Variants in UFSP2 observed in about 807,000 individuals in gnomAD.
UFSP2 encodes ufm1-specific protease 2.
A neutral mutation model predicts 60.2 loss-of-function variants in UFSP2; 43 were observed. The ratio of observed to expected loss-of-function variants is 0.71; its 90% confidence interval spans 0.56 to 0.92. The LOEUF (loss-of-function observed/expected upper bound fraction) is 0.92, where lower values mean the gene tolerates loss of function less well. UFSP2 is among the 40% of genes least tolerant of loss of function. The pLI, the probability that UFSP2 is intolerant of heterozygous loss-of-function variation, is 0.00. For missense variants in UFSP2, 520 were observed against 575.0 expected, an observed-to-expected ratio of 0.90 and a Z score of 0.98; for synonymous variants, 183 against 195.1, an observed-to-expected ratio of 0.94 and a Z score of 0.52.
At chr4:185,412,171 A>C (rs926424060) in intron 7 of UFSP2, among the ~76,000 whole-genome samples, 16 of 152,210 alleles carry the variant, frequency 1.1e-4, no homozygotes, top group Non-Finnish European at 2.2e-4. Flanking sequence ...TTACATGATA[A>C]ATATGTAAAG....
At chr4:185,413,019 A>G (rs1013597199) in intron 7 of UFSP2, among the ~76,000 whole-genome samples, 1 of 152,158 alleles carries the variant, frequency 6.6e-6, no homozygotes. Context: ...GACTTATCCT[A>G]CAGTGGCTGG....
intron 2 of UFSP2, among the ~76,000 whole-genome samples, chr4:185,420,953 T>C (rs941729193): frequency 6.6e-6 from 1 of 152,254 alleles, no homozygotes; most frequent in African/African-American, 2.4e-5. Context: ...AATAAGATTA[T>C]AGTAAAGTAT....
intron 7 of UFSP2, among the ~76,000 whole-genome samples, chr4:185,412,659 AC>A (rs1438768806): frequency 6.6e-6 from 1 of 152,150 alleles, no homozygotes; most frequent in African/African-American, 2.4e-5. Flanking sequence ...CAGTGAGGAT[AC>A]AGAGGGTATG....
intron 1 of UFSP2, among the ~76,000 whole-genome samples, chr4:185,423,300 G>A (rs1178100804): frequency 1.3e-5 from 2 of 152,216 alleles, no homozygotes; most frequent in Non-Finnish European, 2.9e-5. Flanking sequence ...CAACAGTAAA[G>A]AACTAGTTTA....
At position 185,413,804 on chromosome 4, in the gene UFSP2, A is replaced by AAC. The variant is rs2095533674; in HGVS notation, c.752_753insGT (p.Phe251LeufsTer28). The AAC allele has an allele frequency of 6.2e-7, 1 of 1,613,366 alleles. No homozygotes were observed. The highest frequency in any genetic ancestry group is 8.5e-7 in the Non-Finnish European group (1 of 1,179,616). ...AACCATCTTTGTATGGCTCATCTGG[A>AAC]AAGTGATAAGCATTAGACCTTTTGA... is the stretch of plus-strand genomic sequence containing the variant. On this transcript the variant is annotated frameshift_variant, in exon 7 of 12. Transcript: ENST00000264689. LOFTEE classifies it high-confidence loss of function.
At position 185,399,965 on chromosome 4, in the gene UFSP2, T is replaced by C; in HGVS notation, c.*427A>G. On this transcript the variant is annotated 3_prime_UTR_variant, in exon 12 of 12. Coordinates refer to ENST00000264689, the MANE Select transcript of UFSP2 (RefSeq NM_018359.5). ...GGACTGCATGGTGGAAGTTTGGGGA[T>C]AAAACTCTTTTTAAAAAAAAGTTTT... 6.3e-7 allele frequency: 1 copy of C among 1,588,862 alleles called. No individual in the cohort carries two copies.
chr4:185,401,227 C>G (rs746670902), intron 11 of UFSP2, among the ~76,000 whole-genome samples: 3 of 152,174 alleles, frequency 2.0e-5, no homozygotes, highest in Non-Finnish European at 4.4e-5. Context: ...TAATAAGATA[C>G]ACGTTGTCAA....
chr4:185,406,343 A>G (rs2095520398), intron 9 of UFSP2, among the ~76,000 whole-genome samples: 1 of 152,214 alleles, frequency 6.6e-6, no homozygotes, highest in African/African-American at 2.4e-5. Flanking sequence ...TGTGAAATCA[A>G]TGTGAAAACT....
chr4:185,415,939 T>A, intron 4 of UFSP2, 72 bp from the exon 5 acceptor site: 1 of 1,281,728 alleles, frequency 7.8e-7, no homozygotes. Context: ...GTAAAAAGAC[T>A]TTTCAAAAAT....
chr4:185,403,653 C>T, intron 10 of UFSP2, 35 bp from the exon 11 acceptor site: 1 of 1,598,014 alleles, frequency 6.3e-7, no homozygotes, highest in Non-Finnish European at 8.5e-7. Flanking sequence ...CGAATGAAGG[C>T]ATAAACAAAT....
chr4:185,421,999 C>A (rs905212125), intron 2 of UFSP2, among the ~76,000 whole-genome samples: 1 of 152,216 alleles, frequency 6.6e-6, no homozygotes, highest in Non-Finnish European at 1.5e-5. Flanking sequence ...TGTTCTTTAT[C>A]TCAGTTTGTG....
At chr4:185,416,416 A>G (rs563163279) in intron 4 of UFSP2, among the ~76,000 whole-genome samples, 1 of 152,328 alleles carries the variant, frequency 6.6e-6, no homozygotes, top group Non-Finnish European at 1.5e-5. Flanking sequence ...ATAATCAAAT[A>G]CTGAACTCTA....
rs780260499 is a variant in UFSP2, at chr4:185,399,742, G to A, written c.*650C>T. ...CAGACAGAAACGGAGTCTCGGAAGT[G>A]TAGAAAATACCAGTGGGAAAAGGAA... is the stretch of plus-strand genomic sequence containing the variant. On this transcript the variant is annotated 3_prime_UTR_variant, in exon 12 of 12. Coordinates refer to ENST00000264689, the MANE Select transcript of UFSP2 (RefSeq NM_018359.5). The A allele has an allele frequency of 3.6e-5, 58 of 1,614,004 alleles. No homozygotes were observed. The highest frequency in any genetic ancestry group is 3.3e-4 in the Middle Eastern group (2 of 6,084).
At chr4:185,416,089 TAGA>T (rs956227087) in intron 4 of UFSP2, 30 of 361,836 alleles carry the variant, frequency 8.3e-5, no homozygotes, top group African/African-American at 5.4e-4. Flanking sequence ...GACCAGCCAG[TAGA>T]AGGACTTTTA....
At chr4:185,404,154 T>A (rs1342561950) in intron 10 of UFSP2, among the ~76,000 whole-genome samples, 1 of 151,904 alleles carries the variant, frequency 6.6e-6, no homozygotes, top group Non-Finnish European at 1.5e-5. Flanking sequence ...TACATTCACA[T>A]CCATATAATT....
chr4:185,403,799 C>A (rs1165987960), intron 10 of UFSP2, among the ~76,000 whole-genome samples, 181 bp from the exon 11 acceptor site: 6 of 151,410 alleles, frequency 4.0e-5, no homozygotes. Context: ...GCAGTGAAAC[C>A]CTGTCTCTAC....
chr4:185,405,969 T>C (rs1330911025), intron 9 of UFSP2, 113 bp from the exon 10 acceptor site: 19 of 1,554,820 alleles, frequency 1.2e-5, no homozygotes, highest in Non-Finnish European at 1.6e-5. Context: ...ACTGAAAAAA[T>C]ATATAAATGT....
rs779330516 is a variant in UFSP2 at position 185,403,966 on chromosome 4, C to CAAAAA, written c.1199-353_1199-349dup. ...AGCCTGGGCGACACAGCAAGACTCT[C>CAAAAA]AAAAAAAAAAACAAAAAAAAACAAC... is the stretch of plus-strand genomic sequence containing the variant. On this transcript the variant is annotated intron_variant, in intron 10 of 11. Coordinates refer to ENST00000264689, the MANE Select transcript of UFSP2 (RefSeq NM_018359.5). Among the ~76,000 whole-genome samples the CAAAAA allele has an allele frequency of 4.9e-4, 42 of 85,042 alleles. 3 individuals carry two copies. Among genetic ancestry groups the CAAAAA allele is most frequent in the East Asian group, 2.5e-3 (5 of 2,006 alleles). The allele number at this position is 85,042 out of a possible 152,430, so 55.8% of individuals were successfully genotyped here. A position where few individuals can be genotyped will look rare whatever the true frequency, so the allele number is the denominator to read the frequency against.
chr4:185,408,476 A>C (rs771645754), intron 7 of UFSP2, 41 bp from the exon 8 acceptor site: 6 of 1,576,222 alleles, frequency 3.8e-6, no homozygotes, highest in Middle Eastern at 1.7e-4. Flanking sequence ...TTAACTTAGG[A>C]TAGAAGTACA....
Sources: gnomAD v4.1 joint callset for allele counts (sites outside exome capture counted in the v4.1 genomes callset) on GRCh38, gnomAD v4.1.1 for gene constraint, MANE v1.5 for transcripts, NCBI Gene and HGNC (gene_info 2026-07-23, HGNC 2026-07-21) for gene names.